The following SLC45A2 variants were observed in gnomAD, a reference collection of about 807,000 sequenced individuals.
The protein encoded by SLC45A2 is solute carrier family 45 member 2.
A neutral mutation model predicts 45.5 loss-of-function variants in SLC45A2; 36 were observed. The observed-to-expected ratio is 0.79, with a 90% CI of 0.61 to 1.04. The LOEUF is 1.04. Among genes scored for constraint, SLC45A2 ranks in the 50% least tolerant of loss-of-function variants. The pLI, the probability that SLC45A2 is intolerant of heterozygous loss-of-function variation, is 0.00. For synonymous variants in SLC45A2, 306 were observed against 269.3 expected (o/e 1.14, Z -1.33); for missense variants, 719 against 671.0 (o/e 1.07, Z -0.79).
intron 3 of SLC45A2, among the ~76,000 whole-genome samples, chr5:33,961,778 C>T (rs1752465678): frequency 6.6e-6 from 1 of 152,188 alleles, no homozygotes; most frequent in Non-Finnish European, 1.5e-5. Context: ...AACTCTGTTC[C>T]TGTACCTGTT....
intron 3 of SLC45A2, among the ~76,000 whole-genome samples, chr5:33,959,337 C>G (rs1256071320): frequency 3.3e-5 from 5 of 152,142 alleles, no homozygotes; most frequent in African/African-American, 1.2e-4. Context: ...TTCCGTGATT[C>G]TTTGGCTGTC....
intron 3 of SLC45A2, among the ~76,000 whole-genome samples, chr5:33,958,788 C>T (rs971663354): frequency 3.3e-5 from 5 of 152,114 alleles, no homozygotes; most frequent in African/African-American, 9.7e-5. Flanking sequence ...TTTTTGTACT[C>T]GTGTGGGAGT....
intron 2 of SLC45A2, chr5:33,972,358 A>T (rs1752809659): frequency 7.8e-6 from 3 of 383,008 alleles, no homozygotes; most frequent in Non-Finnish European, 1.1e-5. Context: ...AGAAAAAAAT[A>T]CATATTGATT....
At chr5:33,976,209 C>T (rs144776854) in intron 2 of SLC45A2, among the ~76,000 whole-genome samples, 5 of 152,242 alleles carry the variant, frequency 3.3e-5, no homozygotes, top group East Asian at 3.9e-4. Flanking sequence ...GCCGAGAACA[C>T]GGGGAAGGGC....
At chr5:33,962,603 C>T (rs1752484689) in intron 3 of SLC45A2, among the ~76,000 whole-genome samples, 1 of 152,202 alleles carries the variant, frequency 6.6e-6, no homozygotes, top group South Asian at 2.1e-4. Context: ...TGGTTGCAAA[C>T]ACTCTAAGTA....
intron 2 of SLC45A2, among the ~76,000 whole-genome samples, chr5:33,977,924 C>T (rs184639289): frequency 2.8e-4 from 43 of 152,282 alleles, no homozygotes; most frequent in Admixed American, 6.5e-4. Context: ...GTCCTGATCA[C>T]GGCTGGCTTT....
Position 33,945,282 on chromosome 5 carries a change from G to A in SLC45A2, c.1369-410C>T, listed in dbSNP as rs541379007. ...GCAGACTGTACAAAAACAAGTGGCG[G>A]GCCATAATCAATACAATGTAGTGGA... On this transcript the variant is annotated intron_variant, in intron 6 of 6. Transcript: ENST00000296589. Among the ~76,000 whole-genome samples the A allele has an allele frequency of 1.8e-4, 28 of 152,068 alleles. No homozygotes were observed. The South Asian group carries it at 2.3e-3, about 12-fold the overall frequency.
chr5:33,982,088 CG>C (rs2112014156), intron 2 of SLC45A2, 147 bp downstream of exon 2: 3 of 857,306 alleles, frequency 3.5e-6, no homozygotes, highest in Admixed American at 2.0e-5. Context: ...GAGAAATGCA[CG>C]GGGAGACAGT....
intron 2 of SLC45A2, 45 bp from the exon 3 acceptor site, chr5:33,964,061 G>T: frequency 6.3e-7 from 1 of 1,592,178 alleles, no homozygotes; most frequent in Non-Finnish European, 8.6e-7. Flanking sequence ...GCAAATTATC[G>T]TTCATTTTCC....
chr5:33,949,149 A>C (rs1478505806), intron 5 of SLC45A2, among the ~76,000 whole-genome samples: 2 of 152,204 alleles, frequency 1.3e-5, no homozygotes, highest in African/African-American at 4.8e-5. Flanking sequence ...ATACAAAAGG[A>C]GCTTAGAAAC....
rs1328291937 is a variant in SLC45A2 at position 33,963,735 on chromosome 5, C to A, written c.844G>T (p.Glu282Ter). The A allele has an allele frequency of 6.2e-7, 1 of 1,614,152 alleles. No homozygotes were observed. Among genetic ancestry groups the A allele is most frequent in the Non-Finnish European group, 8.5e-7 (1 of 1,180,028 alleles). ...EKVKNGYVNP[E>*]LAMQGAKNKN... ...TTTTTTGCTCCCTGCATTGCCAGCT[C>A]TGGATTTACGTAACCATTTTTAACT... Residue 282 changes from glutamate to a stop codon, truncating the protein, a stop_gained, in exon 3 of 7, where the codon GAG (glutamate) becomes TAG (stop). Transcript: ENST00000296589. LOFTEE classifies it high-confidence loss of function.
chr5:33,969,206 C>T (rs1404439004), intron 2 of SLC45A2, among the ~76,000 whole-genome samples: 1 of 151,776 alleles, frequency 6.6e-6, no homozygotes, highest in Non-Finnish European at 1.5e-5. Flanking sequence ...GACATGACCT[C>T]TGCCCTCTTG....
intron 5 of SLC45A2, among the ~76,000 whole-genome samples, chr5:33,950,867 T>G (rs890802858): frequency 6.6e-6 from 1 of 152,244 alleles, no homozygotes; most frequent in African/African-American, 2.4e-5. Context: ...TAACTCAATG[T>G]ATACAGAGCT....
intron 6 of SLC45A2, among the ~76,000 whole-genome samples, chr5:33,945,628 T>C (rs1031855717): frequency 6.6e-6 from 1 of 152,168 alleles, no homozygotes; most frequent in African/African-American, 2.4e-5. Flanking sequence ...GTAACAATTA[T>C]AATACTAGCT....
chr5:33,969,284 A>T (rs7718789), intron 2 of SLC45A2, among the ~76,000 whole-genome samples: 1 of 151,618 alleles, frequency 6.6e-6, no homozygotes, highest in Non-Finnish European at 1.5e-5. Context: ...AGAAAAAAAA[A>T]ATTTTAAATT....
chr5:33,956,511 T>C (rs1341284407), intron 3 of SLC45A2, among the ~76,000 whole-genome samples: 1 of 152,150 alleles, frequency 6.6e-6, no homozygotes, highest in Non-Finnish European at 1.5e-5. Flanking sequence ...GGCCAAAGAT[T>C]GATAATATCT....
chr5:33,962,337 T>G (rs1340673740), intron 3 of SLC45A2, among the ~76,000 whole-genome samples: 1 of 152,234 alleles, frequency 6.6e-6, no homozygotes, highest in Non-Finnish European at 1.5e-5. Context: ...TGAATAATGA[T>G]TATAATGTAT....
intron 2 of SLC45A2, among the ~76,000 whole-genome samples, chr5:33,970,635 G>C (rs1427720713): frequency 6.6e-6 from 1 of 152,052 alleles, no homozygotes; most frequent in South Asian, 2.1e-4. Flanking sequence ...GTGTGACCTT[G>C]GGTTAGCCAC....
intron 2 of SLC45A2, chr5:33,970,961 A>T: frequency 2.1e-6 from 1 of 474,050 alleles, no homozygotes; most frequent in African/African-American, 2.0e-5. Context: ...GGAACAATTC[A>T]AAGAATTTAC....
Sources: allele counts gnomAD v4.1 joint callset (sites outside exome capture counted in the v4.1 genomes callset), GRCh38; gene constraint gnomAD v4.1.1; transcripts MANE v1.5; gene names NCBI Gene and HGNC (gene_info 2026-07-23, HGNC 2026-07-21).